The following TNIK variants were observed in gnomAD, a reference collection of about 807,000 sequenced individuals.
The protein encoded by TNIK is TRAF2 and NCK interacting kinase.
TNIK carries 49 observed loss-of-function variants against 191.3 expected under a neutral mutation model. The observed-to-expected ratio is 0.26, with a 90% CI of 0.20 to 0.32. TNIK has a LOEUF of 0.32. Ranked by LOEUF, TNIK falls within the 10% of genes least tolerant of loss-of-function variation. The pLI is 1.00. For synonymous variants in TNIK, 594 were observed against 600.9 expected (o/e 0.99, Z 0.17); for missense variants, 1,155 against 1,702.3 (o/e 0.68, Z 5.66).
intron 18 of TNIK, among the ~76,000 whole-genome samples, chr3:171,115,771 C>A (rs1726589432): frequency 6.6e-6 from 1 of 152,196 alleles, no homozygotes; most frequent in Non-Finnish European, 1.5e-5. Context: ...TCCCACAGTA[C>A]ACGTGAACGA....
At chr3:171,188,645 A>G (rs1241503546) in intron 7 of TNIK, 57 bp downstream of exon 7, 1 of 1,597,052 alleles carries the variant, frequency 6.3e-7, no homozygotes, top group East Asian at 2.2e-5. Context: ...GTAAGACTTT[A>G]TAAGACTCAG....
chr3:171,241,051 ATAGAGT>A (rs1417270000), intron 2 of TNIK, among the ~76,000 whole-genome samples: 1 of 143,396 alleles, frequency 7.0e-6, no homozygotes, highest in African/African-American at 2.7e-5. Context: ...TTTTTTGGAG[ATAGAGT>A]TCTGCTCTTG....
chr3:171,457,527 A>G lies in TNIK; in HGVS notation c.57+2480T>C, dbSNP rs148588353. On this transcript the variant is annotated intron_variant, in intron 1 of 32. Transcript: ENST00000436636. Reference sequence around the variant, plus strand: ...AGGGGCTCAGCAGGCAGACTTTACCAAGGGCTTAGGAACAAATGAGACATC... The same window carrying G: ...AGGGGCTCAGCAGGCAGACTTTACCGAGGGCTTAGGAACAAATGAGACATC... Among the ~76,000 whole-genome samples the G allele has an allele frequency of 7.6e-3, 1,153 of 152,308 alleles. 12 individuals carry two copies. The highest frequency in any genetic ancestry group is 0.026 in the African/African-American group (1,088 of 41,562).
intron 1 of TNIK, among the ~76,000 whole-genome samples, chr3:171,400,973 G>A (rs934802194): frequency 6.6e-6 from 1 of 152,180 alleles, no homozygotes; most frequent in African/African-American, 2.4e-5. Context: ...GTTTGCCTGG[G>A]AATAGCAGGA....
In TNIK at chr3:171,246,965, C is replaced by T. The variant is rs1745660895; in HGVS notation, c.124-18744G>A. Among the ~76,000 whole-genome samples the T allele has an allele frequency of 2.6e-5, 4 of 152,302 alleles. No individual in the cohort carries two copies. In the South Asian group the frequency reaches 6.2e-4, roughly 24 times the overall value. On this transcript the variant is annotated intron_variant, in intron 2 of 32. Transcript: ENST00000436636. ...AGACTGGGGGGAAGACAAGGAAGGA[C>T]ATTTCAAGCAACAAGTAAAGGCACT...
intron 2 of TNIK, among the ~76,000 whole-genome samples, chr3:171,232,759 C>T (rs746031246): frequency 3.7e-4 from 56 of 152,164 alleles, no homozygotes; most frequent in Non-Finnish European, 3.7e-4. Flanking sequence ...TTCCCTTCTT[C>T]TCCCTCACTT....
chr3:171,192,058 C>A (rs773312503), intron 5 of TNIK, among the ~76,000 whole-genome samples: 11 of 152,212 alleles, frequency 7.2e-5, no homozygotes, highest in East Asian at 1.9e-4. Flanking sequence ...TATCTGAATT[C>A]TCTTGTCAAA....
At chr3:171,271,272 T>C (rs1413833795) in intron 2 of TNIK, among the ~76,000 whole-genome samples, 4 of 152,244 alleles carry the variant, frequency 2.6e-5, no homozygotes, top group Admixed American at 2.0e-4. Flanking sequence ...CTTAGAATTT[T>C]CTAAGAGCCA....
intron 1 of TNIK, among the ~76,000 whole-genome samples, chr3:171,444,604 T>A (rs1460668267): frequency 1.3e-5 from 2 of 150,950 alleles, no homozygotes; most frequent in African/African-American, 2.4e-5. Flanking sequence ...AAAAGACATG[T>A]CAATGCAAAG....
intron 1 of TNIK, among the ~76,000 whole-genome samples, chr3:171,397,501 C>T (rs561991088): frequency 6.6e-6 from 1 of 152,306 alleles, no homozygotes; most frequent in African/African-American, 2.4e-5. Flanking sequence ...CCTATCGTGA[C>T]TGGAATGAAA....
intron 2 of TNIK, among the ~76,000 whole-genome samples, chr3:171,305,614 C>T (rs534165785): frequency 3.3e-5 from 5 of 152,044 alleles, no homozygotes; most frequent in Non-Finnish European, 5.9e-5. Context: ...TATGAAAAAA[C>T]GCTCAATATC....
intron 2 of TNIK, among the ~76,000 whole-genome samples, chr3:171,287,450 ATCCAACAGGAT>A (rs1026699027): frequency 6.6e-6 from 1 of 152,232 alleles, no homozygotes; most frequent in East Asian, 1.9e-4. Context: ...CACAACCTGA[ATCCAACAGGAT>A]TCCAACAGGA....
At chr3:171,173,068 G>A (rs766168474) in intron 9 of TNIK, among the ~76,000 whole-genome samples, 32 of 152,108 alleles carry the variant, frequency 2.1e-4, no homozygotes, top group Admixed American at 7.9e-4. Flanking sequence ...AAAAGGGGTG[G>A]TGTAGACCAT....
In TNIK at chr3:171,445,915, C is replaced by A. The variant is rs371741582; in HGVS notation, c.57+14092G>T. The stretch of plus-strand genomic sequence containing the variant: ...CCAGGGCATGAAATGTAGAGAGGGA[C>A]CTCATTTTAAAGCTTATTTATGTTA... On this transcript the variant is annotated intron_variant, in intron 1 of 32. Coordinates refer to ENST00000436636, the MANE Select transcript of TNIK (RefSeq NM_015028.4). 1.8e-4 allele frequency among the ~76,000 whole-genome samples: 28 copies of A among 152,206 alleles called. No individual in the cohort carries two copies. The East Asian group carries it at 2.5e-3, about 14-fold the overall frequency.
Position 171,061,921 on chromosome 3 carries a change from G to A in TNIK, c.*1960C>T, listed in dbSNP as rs1329141916. ...GGGACCATGAGGAGGATATCTTGCT[G>A]ATTGCCTGAAGATAATCCTCAGTTA... On this transcript the variant is annotated 3_prime_UTR_variant, in exon 33 of 33. Transcript: ENST00000436636. The A allele has an allele frequency of 6.6e-6, 1 of 152,206 alleles. No homozygotes were observed. The highest frequency in any genetic ancestry group is 6.5e-5 in the Admixed American group (1 of 15,276). The allele number at this position is 152,206 out of a possible 1,614,324, so 9.4% of individuals were successfully genotyped here. A position where few individuals can be genotyped will look rare whatever the true frequency, so the allele number is the denominator to read the frequency against.
chr3:171,357,938 G>A (rs1438614816), intron 2 of TNIK, among the ~76,000 whole-genome samples: 2 of 152,214 alleles, frequency 1.3e-5, no homozygotes, highest in African/African-American at 4.8e-5. Context: ...ACCTGTGACT[G>A]GGGATGTAGA....
In TNIK at chr3:171,371,121, T is replaced by C. The variant is rs530184022; in HGVS notation, c.58-1436A>G. On this transcript the variant is annotated intron_variant, in intron 1 of 32. Coordinates refer to ENST00000436636, the MANE Select transcript of TNIK (RefSeq NM_015028.4). The stretch of plus-strand genomic sequence containing the variant: ...TAGCCATGCTCTTGTGAAGAATAAG[T>C]GTGGGCTTTGCACAATGCCTTTCAA... Among the ~76,000 whole-genome samples, 3 of 152,158 alleles carry C rather than the reference T, an allele frequency of 2.0e-5. No homozygotes were observed. The East Asian group carries it at 5.8e-4, about 29-fold the overall frequency.
chr3:171,194,759 TA>T (rs1738488801), intron 4 of TNIK, 124 bp from the exon 5 acceptor site: 2 of 731,832 alleles, frequency 2.7e-6, no homozygotes, highest in Admixed American at 5.3e-5. Context: ...AAAGTTATCA[TA>T]AAACAATATA....
intron 2 of TNIK, among the ~76,000 whole-genome samples, chr3:171,324,594 C>A (rs1278825833): frequency 2.6e-5 from 4 of 152,000 alleles, no homozygotes; most frequent in Admixed American, 6.6e-5. Context: ...GATGGGCCAC[C>A]CTTACCTACA....
Sources: allele counts gnomAD v4.1 joint callset (sites outside exome capture counted in the v4.1 genomes callset), GRCh38; gene constraint gnomAD v4.1.1; transcripts MANE v1.5; gene names NCBI Gene and HGNC (gene_info 2026-07-23, HGNC 2026-07-21).